FAM219A: variants seen among roughly 807,000 people sequenced by gnomAD.
FAM219A encodes family with sequence similarity 219 member A.
Under a neutral mutation model 23.4 loss-of-function variants are expected in FAM219A, and 7 were observed. The observed-to-expected ratio is 0.30, with a 90% confidence interval of 0.17 to 0.56. The LOEUF is 0.56. FAM219A is among the 20% of genes least tolerant of loss of function. FAM219A has a pLI of 0.92. For synonymous variants in FAM219A, 93 were observed against 99.0 expected (o/e 0.94, Z 0.36); for missense variants, 166 against 246.9 (o/e 0.67, Z 2.20).
intron 1 of FAM219A, among the ~76,000 whole-genome samples, chr9:34,415,126 T>C (rs1305779189): frequency 6.6e-6 from 1 of 152,002 alleles, no homozygotes; most frequent in African/African-American, 2.4e-5. Context: ...GCTAAATTTT[T>C]TTTTTTTTTT....
chr9:34,438,145 C>A (rs911639949), intron 1 of FAM219A, among the ~76,000 whole-genome samples: 1 of 152,234 alleles, frequency 6.6e-6, no homozygotes, highest in African/African-American at 2.4e-5. Flanking sequence ...TCTCACCAAG[C>A]CTTAGCTGCC....
intron 1 of FAM219A, among the ~76,000 whole-genome samples, chr9:34,431,332 C>T (rs959197887): frequency 6.6e-6 from 1 of 152,134 alleles, no homozygotes; most frequent in Non-Finnish European, 1.5e-5. Context: ...CTCATCAGCT[C>T]CTCCCCTGCC....
Position 34,458,356 on chromosome 9 carries a change from T to C in FAM219A, c.-93A>G, listed in dbSNP as rs1290891798. 2.1e-6 allele frequency: 2 copies of C among 965,424 alleles called. No individual in the cohort carries two copies. Among genetic ancestry groups the C allele is most frequent in the Non-Finnish European group, 1.3e-6 (1 of 759,150 alleles). 59.8% of individuals were successfully genotyped at this position (965,424 alleles called of 1,614,324 possible). On this transcript the variant is annotated 5_prime_UTR_variant, in exon 1 of 6. Transcript: ENST00000651358. This position sits in a 1 kb window ranked among gnomAD's most constrained non-coding sequence, Gnocchi z 6.6. Reference sequence around the variant, plus strand: ...GCGGCCCCAGGAGCCCGGCGGGTGGTGCAGACTAGGCCTCCCCGGACCACT... The same window carrying C: ...GCGGCCCCAGGAGCCCGGCGGGTGGCGCAGACTAGGCCTCCCCGGACCACT...
chr9:34,453,930 A>G (rs1823647353), intron 1 of FAM219A, among the ~76,000 whole-genome samples: 2 of 152,140 alleles, frequency 1.3e-5, no homozygotes. Context: ...ACTCAACCCA[A>G]CTGATCAACA....
At chr9:34,418,217 G>T (rs1038415144) in intron 1 of FAM219A, among the ~76,000 whole-genome samples, 1 of 151,836 alleles carries the variant, frequency 6.6e-6, no homozygotes, top group African/African-American at 2.4e-5. Flanking sequence ...AAAAAAAAAG[G>T]ATTTGTTTTT....
At chr9:34,403,426 C>T (rs12555611) in intron 2 of FAM219A, among the ~76,000 whole-genome samples, 19,012 of 152,198 alleles carry the variant, frequency 0.12, 1,208 homozygotes, top group South Asian at 0.15. Flanking sequence ...TTGGGATTAA[C>T]GCAGAAGGAA....
intron 1 of FAM219A, among the ~76,000 whole-genome samples, chr9:34,408,804 G>A (rs1422429140): frequency 2.6e-5 from 4 of 152,174 alleles, no homozygotes; most frequent in Admixed American, 2.6e-4. Flanking sequence ...TCTATCACAT[G>A]AGAGTGTTAG....
At chr9:34,420,523 C>G (rs1330742009) in intron 1 of FAM219A, among the ~76,000 whole-genome samples, 1 of 152,196 alleles carries the variant, frequency 6.6e-6, no homozygotes, top group African/African-American at 2.4e-5. Context: ...TTACTCCCCA[C>G]CTCATTTTGG....
At chr9:34,438,146 C>T (rs1470640403) in intron 1 of FAM219A, among the ~76,000 whole-genome samples, 1 of 152,232 alleles carries the variant, frequency 6.6e-6, no homozygotes, top group Admixed American at 6.5e-5. Context: ...CTCACCAAGC[C>T]TTAGCTGCCT....
chr9:34,414,280 T>A (rs1284360445), intron 1 of FAM219A, among the ~76,000 whole-genome samples: 5 of 152,192 alleles, frequency 3.3e-5, no homozygotes, highest in African/African-American at 1.2e-4. Flanking sequence ...TGACCTGAAG[T>A]CACACCTCAA....
chr9:34,424,733 T>C (rs1416685806), intron 1 of FAM219A, among the ~76,000 whole-genome samples: 1 of 152,224 alleles, frequency 6.6e-6, no homozygotes, highest in Non-Finnish European at 1.5e-5. Flanking sequence ...CCACAACACT[T>C]GTTCCACCAA....
intron 1 of FAM219A, among the ~76,000 whole-genome samples, chr9:34,420,149 G>A (rs1290196346): frequency 6.6e-6 from 1 of 152,106 alleles, no homozygotes; most frequent in Non-Finnish European, 1.5e-5. Context: ...AAGGGGGAGG[G>A]CACAATGTAC....
At position 34,402,723 on chromosome 9, in the gene FAM219A, T is replaced by C. The variant is rs748008271; in HGVS notation, c.245A>G (p.Asn82Ser). Residue 82 changes from asparagine to serine, a missense_variant, in exon 3 of 6, where the codon AAT becomes AGT. Asn to Ser is a conservative substitution (Grantham distance 46, BLOSUM62 1). Around this residue, in one of 3 missense-constraint regions of FAM219A, gnomAD observed 89 missense variants for 98.8 expected, o/e 0.90. Transcript: ENST00000651358. Reference protein sequence around the residue: ...SPVNQQPKKNNVMARTRLVVP... With the variant: ...SPVNQQPKKNSVMARTRLVVP... ...CCTCTACCTTGTTCGGGCCATGACA[T>C]TGTTCTTCTTGGGTTGCTGGTTGAC... The C allele has an allele frequency of 3.8e-5, 62 of 1,614,010 alleles. No homozygotes were observed. The highest frequency in any genetic ancestry group is 4.9e-5 in the Non-Finnish European group (58 of 1,180,004).
At chr9:34,439,662 G>A (rs114076612) in intron 1 of FAM219A, among the ~76,000 whole-genome samples, 3,046 of 152,090 alleles carry the variant, frequency 0.02, 89 homozygotes, top group African/African-American at 0.068. Context: ...AAGCATTCCA[G>A]GCAGCAAGAA....
intron 1 of FAM219A, among the ~76,000 whole-genome samples, chr9:34,447,965 G>A (rs748156566): frequency 4.9e-4 from 75 of 151,682 alleles, no homozygotes; most frequent in Non-Finnish European, 8.7e-4. Flanking sequence ...TCGAACTCCC[G>A]GGCTCAAGCC....
intron 1 of FAM219A, among the ~76,000 whole-genome samples, chr9:34,412,329 G>A (rs1821852327): frequency 6.6e-6 from 1 of 152,154 alleles, no homozygotes. Flanking sequence ...AAAACAAAGG[G>A]TCTGGACATT....
At chr9:34,423,391 G>A (rs1230991376) in intron 1 of FAM219A, among the ~76,000 whole-genome samples, 2 of 151,990 alleles carry the variant, frequency 1.3e-5, no homozygotes, top group Admixed American at 1.3e-4. Context: ...GGAAAGGAGT[G>A]GCAAACAAAA....
At chr9:34,416,870 G>A (rs1822057213) in intron 1 of FAM219A, among the ~76,000 whole-genome samples, 1 of 144,330 alleles carries the variant, frequency 6.9e-6, no homozygotes, top group Non-Finnish European at 1.5e-5. Context: ...AGGATGGAGT[G>A]CAGCGGCTAT....
intron 1 of FAM219A, among the ~76,000 whole-genome samples, chr9:34,408,790 C>A (rs923666107): frequency 2.6e-5 from 4 of 152,198 alleles, no homozygotes; most frequent in Admixed American, 6.5e-5. Context: ...AACCTTCTAA[C>A]CCATCTATCA....
Sources: gnomAD v4.1 joint callset for allele counts (sites outside exome capture counted in the v4.1 genomes callset) on GRCh38, gnomAD v4.1.1 for gene constraint, gnomAD v4.1.1 regional missense constraint, Gnocchi (gnomAD v3.1) non-coding constraint, MANE v1.5 for transcripts, NCBI Gene and HGNC (gene_info 2026-07-23, HGNC 2026-07-21) for gene names.